TRPM3: variants seen among roughly 807,000 people sequenced by gnomAD.
The protein encoded by TRPM3 is transient receptor potential cation channel subfamily M member 3.
In TRPM3, 77 loss-of-function variants were observed where a neutral mutation model predicts 181.2. The observed-to-expected ratio is 0.42, with a 90% CI of 0.35 to 0.51. The LOEUF (loss-of-function observed/expected upper bound fraction) is 0.51, where lower values mean the gene tolerates loss of function less well. Among genes scored for constraint, TRPM3 ranks in the 20% least tolerant of loss-of-function variants. The probability of loss-of-function intolerance (pLI) is 0.01; values close to 1 mark genes in which losing one functional copy is unlikely to be tolerated. For synonymous variants in TRPM3, 745 were observed against 796.4 expected, an observed-to-expected ratio of 0.94 and a Z score of 1.09; for missense variants, 1,759 against 2,196.7, an observed-to-expected ratio of 0.80 and a Z score of 3.98.
chr9:71,440,707 C>G (rs2094125180), intron 1 of TRPM3, among the ~76,000 whole-genome samples: 1 of 152,124 alleles, frequency 6.6e-6, no homozygotes, highest in Non-Finnish European at 1.5e-5. Flanking sequence ...CCAGTACTTA[C>G]CATGGTGCCT....
In TRPM3 at chr9:70,681,558, T is replaced by A. The variant is rs768320547; in HGVS notation, c.1293A>T (p.Gly431=). 1 of 1,613,842 alleles carries A rather than the reference T, an allele frequency of 6.2e-7. No individual in the cohort carries two copies. The highest frequency in any genetic ancestry group is 1.1e-5 in the South Asian group (1 of 91,082). ...KKELITVFRM[G]SEGHQDIDLA... is the part of the protein sequence containing the mutation. ...AATCAATGTCCTGGTGTCCTTCTGA[T>A]CCCATCCGAAATACCGTAATCTGCA... The change falls in exon 9 of 26, where the codon GGA becomes GGT. Residue 431 remains glycine, a synonymous_variant. Transcript: ENST00000677713.
chr9:70,599,562 C>G (rs2059540635), intron 20 of TRPM3, among the ~76,000 whole-genome samples: 1 of 152,186 alleles, frequency 6.6e-6, no homozygotes, highest in Admixed American at 6.5e-5. Flanking sequence ...TGCAGCCATA[C>G]TGGTCATCTC....
intron 6 of TRPM3, among the ~76,000 whole-genome samples, chr9:70,791,084 G>A (rs950491250): frequency 6.6e-6 from 1 of 152,096 alleles, no homozygotes; most frequent in African/African-American, 2.4e-5. Flanking sequence ...TATAGAGTTA[G>A]GATAAATTAT....
At chr9:70,990,903 A>C (rs143081725) in intron 1 of TRPM3, among the ~76,000 whole-genome samples, 435 of 152,298 alleles carry the variant, frequency 2.9e-3, no homozygotes, top group African/African-American at 9.8e-3. Context: ...TGTAAATTAA[A>C]TAATATCTTA....
At chr9:71,046,729 G>C (rs2059484791) in intron 1 of TRPM3, among the ~76,000 whole-genome samples, 1 of 152,126 alleles carries the variant, frequency 6.6e-6, no homozygotes, top group Admixed American at 6.5e-5. Flanking sequence ...AAACCCTTGA[G>C]GCCCTTATAA....
At chr9:70,803,221 C>G (rs956031917) in intron 6 of TRPM3, among the ~76,000 whole-genome samples, 8 of 151,888 alleles carry the variant, frequency 5.3e-5, no homozygotes, top group African/African-American at 1.9e-4. Flanking sequence ...GACAGTCAGT[C>G]CCCAGGTCTC....
rs1185917334 is a variant in TRPM3, at chr9:71,199,571, GA to G, written c.183+247081del. Among the ~76,000 whole-genome samples, 5 of 152,314 alleles carry G rather than the reference GA, an allele frequency of 3.3e-5. No individual in the cohort carries two copies. The East Asian group carries it at 9.6e-4, about 29-fold the overall frequency. On this transcript the variant is annotated intron_variant, in intron 1 of 24. Coordinates refer to the TRPM3 transcript ENST00000357533. ...TCAGAGCCTGTTATTGATCTATTCA[GA>G]GATTCAACTTCTTCCTGGTTTAGTC...
chr9:70,935,443 T>C (rs2133467163), intron 1 of TRPM3, among the ~76,000 whole-genome samples: 1 of 152,338 alleles, frequency 6.6e-6, no homozygotes, highest in Middle Eastern at 3.4e-3. Context: ...ATAACAAGGC[T>C]GACCTGCATA....
chr9:70,978,829 AG>A (rs2097333654), intron 1 of TRPM3, among the ~76,000 whole-genome samples: 1 of 152,264 alleles, frequency 6.6e-6, no homozygotes, highest in Non-Finnish European at 1.5e-5. Flanking sequence ...TTCAACAAAA[AG>A]CATCGAGCTT....
intron 9 of TRPM3, among the ~76,000 whole-genome samples, chr9:70,651,743 T>G (rs916499907): frequency 1.3e-5 from 2 of 152,234 alleles, no homozygotes; most frequent in Non-Finnish European, 2.9e-5. Flanking sequence ...TCACCTAACA[T>G]GCAGTCTGAT....
rs2041373836 is a variant in TRPM3 at position 70,534,746 on chromosome 9, C to T, written c.*1207G>A. Reference sequence around the variant, plus strand: ...CCTTAAAAAGTACTTTGGAACATTTCCATAGAAAAGATACCAGCCCTTGAA... The same window carrying T: ...CCTTAAAAAGTACTTTGGAACATTTTCATAGAAAAGATACCAGCCCTTGAA... On this transcript the variant is annotated 3_prime_UTR_variant, in exon 26 of 26. Coordinates refer to ENST00000677713, the MANE Select transcript of TRPM3 (RefSeq NM_001366145.2). 6.6e-6 allele frequency: 1 copy of T among 152,126 alleles called. No homozygotes were observed. The highest frequency in any genetic ancestry group is 6.6e-5 in the Admixed American group (1 of 15,260). The allele number at this position is 152,126 out of a possible 1,614,324, so 9.4% of individuals were successfully genotyped here.
intron 1 of TRPM3, among the ~76,000 whole-genome samples, chr9:71,386,684 C>G (rs1588781790): frequency 1.3e-5 from 2 of 152,062 alleles, no homozygotes; most frequent in African/African-American, 4.8e-5. Flanking sequence ...TGATATTATT[C>G]ATTATATAAC....
intron 8 of TRPM3, among the ~76,000 whole-genome samples, chr9:70,750,834 C>T (rs11142566): frequency 0.22 from 33,286 of 151,934 alleles, 4,479 homozygotes; most frequent in Non-Finnish European, 0.3. Context: ...GAAGTAATGA[C>T]GAGACAACCA....
intron 1 of TRPM3, among the ~76,000 whole-genome samples, chr9:71,336,152 T>G (rs1461192281): frequency 6.7e-6 from 1 of 148,908 alleles, no homozygotes; most frequent in Non-Finnish European, 1.5e-5. Context: ...AACATATACA[T>G]GCTCAGGGCA....
chr9:71,264,058 G>A (rs1226529153), intron 1 of TRPM3, among the ~76,000 whole-genome samples: 1 of 152,122 alleles, frequency 6.6e-6, no homozygotes, highest in Non-Finnish European at 1.5e-5. Context: ...CTCTCAAAGT[G>A]CCTGGGATTA....
intron 1 of TRPM3, among the ~76,000 whole-genome samples, chr9:71,393,770 G>A (rs2093121737): frequency 6.6e-6 from 1 of 152,200 alleles, no homozygotes; most frequent in South Asian, 2.1e-4. Flanking sequence ...GTACTGAACA[G>A]TTGGCAATAA....
chr9:71,173,018 C>G (rs1444938050), intron 1 of TRPM3, among the ~76,000 whole-genome samples: 1 of 152,136 alleles, frequency 6.6e-6, no homozygotes, highest in Non-Finnish European at 1.5e-5. Context: ...GAAAGAAACA[C>G]TAGAAGGGTT....
intron 1 of TRPM3, among the ~76,000 whole-genome samples, chr9:71,294,712 C>CA (rs974691358): frequency 2.0e-5 from 3 of 151,944 alleles, no homozygotes; most frequent in Non-Finnish European, 4.4e-5. Context: ...GTCATTATAG[C>CA]AAAAAACCCT....
At chr9:71,247,226 T>TG (rs2082080667) in intron 1 of TRPM3, among the ~76,000 whole-genome samples, 1 of 151,818 alleles carries the variant, frequency 6.6e-6, no homozygotes, top group Admixed American at 6.6e-5. Flanking sequence ...TGGTGGCACA[T>TG]GCTTGTAATC....
Sources: gnomAD v4.1 joint callset for allele counts (sites outside exome capture counted in the v4.1 genomes callset) on GRCh38, gnomAD v4.1.1 for gene constraint, MANE v1.5 for transcripts, NCBI Gene and HGNC (gene_info 2026-07-23, HGNC 2026-07-21) for gene names.